The following CAMK2D variants were observed in gnomAD, a reference collection of about 807,000 sequenced individuals.
The protein encoded by CAMK2D is calcium/calmodulin dependent protein kinase II delta, also known as calcium/calmodulin-dependent protein kinase type II subunit delta.
Under a neutral mutation model 84.0 loss-of-function variants are expected in CAMK2D, and 37 were observed. The observed-to-expected ratio is 0.44, with a 90% CI of 0.34 to 0.58. The LOEUF (loss-of-function observed/expected upper bound fraction) is 0.58, where lower values mean the gene tolerates loss of function less well. Among genes scored for constraint, CAMK2D ranks in the 20% least tolerant of loss-of-function variants. The probability of loss-of-function intolerance (pLI) is 0.02; values close to 1 mark genes in which losing one functional copy is unlikely to be tolerated. For missense variants in CAMK2D, 448 were observed against 652.5 expected, an observed-to-expected ratio of 0.69 and a Z score of 3.41; for synonymous variants, 202 against 212.5, an observed-to-expected ratio of 0.95 and a Z score of 0.43.
At chr4:113,718,759 A>G (rs2099521450) in intron 2 of CAMK2D, among the ~76,000 whole-genome samples, 1 of 152,228 alleles carries the variant, frequency 6.6e-6, no homozygotes, top group Admixed American at 6.5e-5. Flanking sequence ...CTTGGAAGTT[A>G]GAAGCAAGAT....
intron 8 of CAMK2D, among the ~76,000 whole-genome samples, chr4:113,528,047 T>A (rs900035865): frequency 2.6e-5 from 4 of 152,042 alleles, no homozygotes; most frequent in Non-Finnish European, 5.9e-5. Flanking sequence ...GAAAATAATT[T>A]AAAAGTAAAG....
chr4:113,699,531 A>C (rs891651034), intron 2 of CAMK2D, among the ~76,000 whole-genome samples: 2 of 152,130 alleles, frequency 1.3e-5, no homozygotes, highest in Non-Finnish European at 2.9e-5. Flanking sequence ...CCCACTTTCC[A>C]GTCACCCTCT....
intron 3 of CAMK2D, among the ~76,000 whole-genome samples, chr4:113,609,943 T>G (rs1332152694): frequency 2.0e-5 from 3 of 152,166 alleles, no homozygotes; most frequent in African/African-American, 2.4e-5. Flanking sequence ...AAATCACACA[T>G]GTAGAACTAC....
At chr4:113,717,783 C>G (rs563093942) in intron 2 of CAMK2D, among the ~76,000 whole-genome samples, 5 of 151,888 alleles carry the variant, frequency 3.3e-5, no homozygotes, top group Non-Finnish European at 7.4e-5. Flanking sequence ...AACCTTAAAG[C>G]TATACTTACA....
At chr4:113,464,642 TA>T (rs2097434551) in intron 17 of CAMK2D, among the ~76,000 whole-genome samples, 1 of 152,252 alleles carries the variant, frequency 6.6e-6, no homozygotes, top group South Asian at 2.1e-4. Context: ...TCATAGTTCC[TA>T]TGATCCAGGA....
At chr4:113,760,204 TG>T (rs2099637784) in intron 1 of CAMK2D, among the ~76,000 whole-genome samples, 1 of 152,162 alleles carries the variant, frequency 6.6e-6, no homozygotes, top group African/African-American at 2.4e-5. Context: ...GTAGGTCTCC[TG>T]CCTCCTTCCC....
chr4:113,524,834 G>A (rs1199476115), intron 8 of CAMK2D, among the ~76,000 whole-genome samples: 1 of 152,202 alleles, frequency 6.6e-6, no homozygotes, highest in Non-Finnish European at 1.5e-5. Context: ...ATTTAAGACA[G>A]TGTGTAAGTT....
At chr4:113,681,871 A>C (rs2099346944) in intron 2 of CAMK2D, among the ~76,000 whole-genome samples, 1 of 152,158 alleles carries the variant, frequency 6.6e-6, no homozygotes, top group Non-Finnish European at 1.5e-5. Flanking sequence ...TCAATTAAAA[A>C]AAAAAAACAG....
intron 3 of CAMK2D, among the ~76,000 whole-genome samples, chr4:113,631,029 G>A (rs2099087480): frequency 6.6e-6 from 1 of 152,040 alleles, no homozygotes; most frequent in African/African-American, 2.4e-5. Context: ...GAAGTGACAG[G>A]GACTTCAGAA....
At chr4:113,598,008 T>C (rs1340446772) in intron 4 of CAMK2D, among the ~76,000 whole-genome samples, 1 of 152,190 alleles carries the variant, frequency 6.6e-6, no homozygotes, top group Non-Finnish European at 1.5e-5. Context: ...TCTCAGCAAG[T>C]TATTTTTTGA....
intron 16 of CAMK2D, among the ~76,000 whole-genome samples, chr4:113,475,619 C>G (rs544519539): frequency 6.6e-6 from 1 of 152,182 alleles, no homozygotes; most frequent in Non-Finnish European, 1.5e-5. Context: ...AATATTTCAA[C>G]TGTAAGAATG....
At chr4:113,547,768 T>C (rs1188184566) in intron 5 of CAMK2D, 52 bp from the exon 6 acceptor site, 2 of 1,181,382 alleles carry the variant, frequency 1.7e-6, no homozygotes, top group African/African-American at 1.5e-5. Flanking sequence ...ACACTCACTG[T>C]CTGTATACCC....
intron 17 of CAMK2D, among the ~76,000 whole-genome samples, chr4:113,462,338 G>GTCTGTCTATCTA (rs1554637439): frequency 4.6e-5 from 6 of 130,448 alleles, no homozygotes; most frequent in Non-Finnish European, 9.6e-5. Flanking sequence ...CTGTCTGTCT[G>GTCTGTCTATCTA]TCTATCTATC....
At chr4:113,622,777 TG>T (rs1252122074) in intron 3 of CAMK2D, among the ~76,000 whole-genome samples, 1 of 152,128 alleles carries the variant, frequency 6.6e-6, no homozygotes, top group African/African-American at 2.4e-5. Context: ...TATATAAATA[TG>T]TATCTCCATA....
chr4:113,750,457 T>C (rs2099614527), intron 2 of CAMK2D, among the ~76,000 whole-genome samples: 1 of 152,136 alleles, frequency 6.6e-6, no homozygotes, highest in South Asian at 2.1e-4. Context: ...CCCAAGCCTG[T>C]TTCTGCATGC....
At chr4:113,722,103 G>A (rs561297070) in intron 2 of CAMK2D, among the ~76,000 whole-genome samples, 3 of 152,142 alleles carry the variant, frequency 2.0e-5, no homozygotes, top group African/African-American at 7.2e-5. Context: ...TTAATTCACA[G>A]GTTTCCATGT....
intron 16 of CAMK2D, among the ~76,000 whole-genome samples, chr4:113,466,939 C>T (rs747664881): frequency 1.2e-4 from 18 of 152,120 alleles, no homozygotes; most frequent in Admixed American, 3.9e-4. Flanking sequence ...AAAAGCTTCC[C>T]GAGGGCAAAG....
chr4:113,523,772 G>GAAAT (rs201909658), intron 8 of CAMK2D, among the ~76,000 whole-genome samples: 11,494 of 151,004 alleles, frequency 0.076, 622 homozygotes, highest in Admixed American at 0.19. Flanking sequence ...ACCCTGTCTC[G>GAAAT]AAATAAATAA....
intron 16 of CAMK2D, among the ~76,000 whole-genome samples, chr4:113,489,643 T>C (rs1293597930): frequency 6.7e-6 from 1 of 149,766 alleles, no homozygotes; most frequent in African/African-American, 2.5e-5. Flanking sequence ...TTATAGTCCT[T>C]TGGGTATACA....
Sources: gnomAD v4.1 joint callset for allele counts (sites outside exome capture counted in the v4.1 genomes callset) on GRCh38, gnomAD v4.1.1 for gene constraint, MANE v1.5 for transcripts, NCBI Gene and HGNC (gene_info 2026-07-23, HGNC 2026-07-21) for gene names.